LIG1: variants seen among roughly 807,000 people sequenced by gnomAD.
LIG1 encodes the protein ligase I, DNA, ATP-dependent.
LIG1 carries 70 observed loss-of-function variants against 115.7 expected under a neutral mutation model. The ratio of observed to expected loss-of-function variants is 0.60; its 90% CI spans 0.50 to 0.74. LIG1 has a LOEUF of 0.74. Ranked by LOEUF, LIG1 falls within the 30% of genes least tolerant of loss-of-function variation. LIG1 has a pLI of 0.00. For synonymous variants in LIG1, 487 were observed against 495.3 expected (o/e 0.98, Z 0.22); for missense variants, 1,115 against 1,225.6 (o/e 0.91, Z 1.35).
At position 48,140,092 on chromosome 19, in the gene LIG1, C is replaced by A. The variant is rs768305404; in HGVS notation, c.966G>T (p.Leu322=). Residue 322 remains leucine, a synonymous_variant, in exon 12 of 28, where the codon CTG becomes CTT. Transcript: ENST00000263274. ...GGACAGGGAGGAGGTCTGGAGGCGA[C>A]AGGGCCACCACGGAGCGCAGCAAGT... is the stretch of plus-strand genomic sequence containing the variant. ...LSNLLRSVVA[L]SPPDLLPVLY... The A allele has an allele frequency of 6.2e-7, 1 of 1,613,874 alleles. No homozygotes were observed. The highest frequency in any genetic ancestry group is 8.5e-7 in the Non-Finnish European group (1 of 1,180,014).
chr19:48,144,062 G>A (rs907202347), intron 9 of LIG1, 99 bp from the exon 10 acceptor site: 6 of 995,094 alleles, frequency 6.0e-6, no homozygotes, highest in Non-Finnish European at 9.7e-6. Context: ...CAAGGCACAC[G>A]GTGCAGAGCT....
Position 48,115,519 on chromosome 19 carries a change from A to T in LIG1, c.*130T>A. 1 of 715,306 alleles carries T rather than the reference A, an allele frequency of 1.4e-6. No homozygotes were observed. Among genetic ancestry groups the T allele is most frequent in the Non-Finnish European group, 2.5e-6 (1 of 398,034 alleles). The allele number at this position is 715,306 out of a possible 1,614,324, so 44.3% of individuals were successfully genotyped here. A position where few individuals can be genotyped will look rare whatever the true frequency, so the allele number is the denominator to read the frequency against. On this transcript the variant is annotated 3_prime_UTR_variant, in exon 28 of 28. Transcript: ENST00000263274. ...ACTCCGGAGTAAGCCACCCCCTCAC[A>T]CACACACCCCTCCCCTGACTCTCAA...
rs1308192644 is a variant in LIG1 at position 48,115,525 on chromosome 19, ACC to A, written c.*122_*123del. ...GAGTAAGCCACCCCCTCACACACAC[ACC>A]CCTCCCCTGACTCTCAAAATCCACA... On this transcript the variant is annotated 3_prime_UTR_variant, in exon 28 of 28. Transcript: ENST00000263274. 16 of 726,882 alleles carry A rather than the reference ACC, an allele frequency of 2.2e-5. No homozygotes were observed. The highest frequency in any genetic ancestry group is 3.9e-5 in the Non-Finnish European group (16 of 407,508). The allele number at this position is 726,882 out of a possible 1,614,324, so 45.0% of individuals were successfully genotyped here. A position where few individuals can be genotyped will look rare whatever the true frequency, so the allele number is the denominator to read the frequency against.
Position 48,117,730 on chromosome 19 carries a change from T to C in LIG1, c.2491A>G (p.Ile831Val), listed in dbSNP as rs1199663927. ...CTGGGGTCCAGCCAGTGGTCGGGAATCACAGCGCCATCTATCCGCACGTAA... is the reference window on the plus strand; with the variant it reads ...CTGGGGTCCAGCCAGTGGTCGGGAACCACAGCGCCATCTATCCGCACGTAA... ...RPYVRIDGAV[I>V]PDHWLDPSAV... is the part of the protein sequence containing the mutation. The change falls in exon 26 of 28, where the codon ATT becomes GTT. Residue 831 changes from isoleucine to valine, a missense_variant. Physicochemically the swap from Ile to Val is conservative, Grantham distance 29. Transcript: ENST00000263274. 6.2e-7 allele frequency: 1 copy of C among 1,613,044 alleles called. No homozygotes were observed. Among genetic ancestry groups the C allele is most frequent in the Non-Finnish European group, 8.5e-7 (1 of 1,179,838 alleles).
rs2035909537 is a variant in LIG1 at position 48,157,237 on chromosome 19, C to T, written c.244-97G>A. 65 of 1,358,374 alleles carry T rather than the reference C, an allele frequency of 4.8e-5. 1 individual carries two copies. In the South Asian group the frequency reaches 5.2e-4, roughly 11 times the overall value. The allele number at this position is 1,358,374 out of a possible 1,614,324, so 84.1% of individuals were successfully genotyped here. On this transcript the variant is annotated intron_variant, in intron 4 of 27. Coordinates refer to ENST00000263274, the MANE Select transcript of LIG1 (RefSeq NM_000234.3). ...GAGGGGACTGAAACCTCTCTGTCTA[C>T]CCTCCTTTCTGACCCTATGGTCTCA...
chr19:48,166,959 C>CAA (rs59675364), intron 1 of LIG1, among the ~76,000 whole-genome samples: 10 of 106,408 alleles, frequency 9.4e-5, no homozygotes, highest in African/African-American at 2.6e-4. Context: ...CACTCTGTCT[C>CAA]AAAAAAAAAA....
intron 24 of LIG1, chr19:48,120,520 CG>C (rs2033188701): frequency 1.0e-6 from 1 of 984,782 alleles, no homozygotes; most frequent in Non-Finnish European, 1.2e-6. Flanking sequence ...ATAGGAAATA[CG>C]TAAGAAAATC....
chr19:48,159,080 AT>A lies in LIG1; in HGVS notation c.244-1941del, dbSNP rs35538558. Among the ~76,000 whole-genome samples the A allele has an allele frequency of 9.6e-3, 1,348 of 140,756 alleles. 15 individuals carry two copies. Among genetic ancestry groups the A allele is most frequent in the African/African-American group, 0.033 (1,202 of 36,210 alleles). 92.3% of individuals were successfully genotyped at this position (140,756 alleles called of 152,430 possible). Reference sequence around the variant, plus strand: ...CTGATGGAGATACAGGTCTCAGATAATTTTTTTTTTTTTTTGAGATGGAGTC... The same window carrying A: ...CTGATGGAGATACAGGTCTCAGATAATTTTTTTTTTTTTTGAGATGGAGTC... On this transcript the variant is annotated intron_variant, in intron 4 of 27. Coordinates refer to ENST00000263274, the MANE Select transcript of LIG1 (RefSeq NM_000234.3).
chr19:48,121,414 G>T, intron 23 of LIG1, 92 bp from the exon 24 acceptor site: 1 of 1,238,594 alleles, frequency 8.1e-7, no homozygotes, highest in Non-Finnish European at 1.1e-6. Context: ...ACTGAGGAGG[G>T]ACTAGAAGTA....
chr19:48,124,364 C>T (rs527416726), intron 21 of LIG1, among the ~76,000 whole-genome samples: 159 of 152,326 alleles, frequency 1.0e-3, no homozygotes, highest in African/African-American at 3.7e-3. Context: ...TAGCTGGTGA[C>T]TTCAGGCAAG....
chr19:48,137,001 C>T lies in LIG1; in HGVS notation c.1331+7G>A, dbSNP rs759267657. ...CCCTCTGTAGCCTCACAGGCCCACA[C>T]GCTTACCTAGCGATGAACCGGGCTT... On this transcript the variant is annotated splice_region_variant and intron_variant, in intron 14 of 27. Transcript: ENST00000263274. The surrounding 1 kb of genome is among the most constrained non-coding windows in gnomAD (Gnocchi z 4.3). The T allele has an allele frequency of 1.7e-5, 28 of 1,609,230 alleles. No individual in the cohort carries two copies. The highest frequency in any genetic ancestry group is 1.6e-4 in the Middle Eastern group (1 of 6,080).
intron 5 of LIG1, 76 bp downstream of exon 5, chr19:48,156,938 C>CAAAAAAAAAAAAAAAAAAAA: frequency 1.7e-6 from 1 of 604,664 alleles, no homozygotes; most frequent in South Asian, 2.0e-5. Flanking sequence ...GACTATGTCT[C>CAAAAAAAAAAAAAAAAAAAA]AAAAAAAAAA....
chr19:48,137,697 G>A lies in LIG1; in HGVS notation c.1088-9C>T, dbSNP rs754658211. The A allele has an allele frequency of 2.6e-5, 42 of 1,601,582 alleles. No individual in the cohort carries two copies. In the East Asian group the frequency reaches 8.7e-4, roughly 33 times the overall value. ...GGACTCCAGCTGCCGACCTTCAGGGGAGAGCGCGGGTGGGGGTGTCGAGGG... is the reference window on the plus strand; with the variant it reads ...GGACTCCAGCTGCCGACCTTCAGGGAAGAGCGCGGGTGGGGGTGTCGAGGG... On this transcript the variant is annotated splice_polypyrimidine_tract_variant and intron_variant, in intron 12 of 27. Coordinates refer to ENST00000263274, the MANE Select transcript of LIG1 (RefSeq NM_000234.3). This position sits in a 1 kb window ranked among gnomAD's most constrained non-coding sequence, Gnocchi z 4.3.
intron 9 of LIG1, among the ~76,000 whole-genome samples, chr19:48,149,266 C>T (rs1037150900): frequency 6.6e-6 from 1 of 152,152 alleles, no homozygotes; most frequent in Non-Finnish European, 1.5e-5. Context: ...CACTGCACTG[C>T]AGGCTAGGCG....
chr19:48,170,250 G>C lies in LIG1; in HGVS notation c.-67C>G, dbSNP rs1249569136. The C allele has an allele frequency of 2.2e-6, 1 of 455,252 alleles. No individual in the cohort carries two copies. The highest frequency in any genetic ancestry group is 4.4e-6 in the Non-Finnish European group (1 of 226,436). 28.2% of individuals were successfully genotyped at this position (455,252 alleles called of 1,614,324 possible). ...GGACGGCCCCACTTGCCTTGCGTTG[G>C]TCCCGCGCGCCGCTGCCCGGGCAAC... On this transcript the variant is annotated 5_prime_UTR_variant, in exon 1 of 28. Coordinates refer to ENST00000263274, the MANE Select transcript of LIG1 (RefSeq NM_000234.3).
At position 48,149,900 on chromosome 19, in the gene LIG1, A is replaced by G. The variant is rs987204960; in HGVS notation, c.698-59T>C. On this transcript the variant is annotated intron_variant, in intron 8 of 27. Coordinates refer to ENST00000263274, the MANE Select transcript of LIG1 (RefSeq NM_000234.3). ...CTCCTTCCGGTAGCCCCCACCTCCC[A>G]TCCATTCTGCACCCAGCACCACCCC... 11 of 1,567,296 alleles carry G rather than the reference A, an allele frequency of 7.0e-6. No homozygotes were observed. In the African/African-American group the frequency reaches 1.5e-4, roughly 21 times the overall value.
chr19:48,167,825 TAAAA>T (rs776208781), intron 1 of LIG1, among the ~76,000 whole-genome samples: 2 of 113,724 alleles, frequency 1.8e-5, no homozygotes, highest in Admixed American at 9.4e-5. Context: ...GACCCCGTCT[TAAAA>T]AAAAAAAAAA....
In LIG1 at chr19:48,122,559, G is replaced by A. The variant is rs758036182; in HGVS notation, c.2232+375C>T. Among the ~76,000 whole-genome samples, 4 of 152,234 alleles carry A rather than the reference G, an allele frequency of 2.6e-5. No individual in the cohort carries two copies. Among genetic ancestry groups the A allele is most frequent in the Admixed American group, 2.0e-4 (3 of 15,286 alleles). Reference sequence around the variant, plus strand: ...GGGGCACTCCCAGCCCCGCCTTGCTGGCCCGGAGCTGACTTGCTTTTCTTC... The same window carrying A: ...GGGGCACTCCCAGCCCCGCCTTGCTAGCCCGGAGCTGACTTGCTTTTCTTC... On this transcript the variant is annotated intron_variant, in intron 23 of 27. Transcript: ENST00000263274. This position sits in a 1 kb window ranked among gnomAD's most constrained non-coding sequence, Gnocchi z 4.3.
rs1242374115 is a variant in LIG1 at position 48,163,011 on chromosome 19, T to C, written c.18-660A>G. Among the ~76,000 whole-genome samples the C allele has an allele frequency of 2.0e-5, 3 of 151,810 alleles. No homozygotes were observed. The East Asian group carries it at 5.8e-4, about 30-fold the overall frequency. ...CTCACTGCAACTTCTGCCTCCCAGG[T>C]TCAAGCGATTCTCCTGCCTCAGCCT... On this transcript the variant is annotated intron_variant, in intron 2 of 27. Coordinates refer to ENST00000263274, the MANE Select transcript of LIG1 (RefSeq NM_000234.3).
Sources: gnomAD v4.1 joint callset for allele counts (sites outside exome capture counted in the v4.1 genomes callset) on GRCh38, gnomAD v4.1.1 for gene constraint, Gnocchi (gnomAD v3.1) non-coding constraint, MANE v1.5 for transcripts, NCBI Gene and HGNC (gene_info 2026-07-23, HGNC 2026-07-21) for gene names.